The following TMEM233 variants were observed in gnomAD, a reference collection of about 807,000 sequenced individuals.
The protein encoded by TMEM233 is transmembrane protein 233.
In TMEM233, 6 loss-of-function variants were observed where a neutral mutation model predicts 11.2. The observed-to-expected ratio is 0.54, with a 90% CI of 0.29 to 1.06. The LOEUF (loss-of-function observed/expected upper bound fraction) is 1.06. TMEM233 is among the 50% of genes least tolerant of loss of function. The probability of loss-of-function intolerance (pLI) is 0.08; values close to 1 mark genes in which losing one functional copy is unlikely to be tolerated. For synonymous variants in TMEM233, 59 were observed against 55.8 expected (o/e 1.06, Z -0.26); for missense variants, 127 against 144.7 (o/e 0.88, Z 0.63).
chr12:119,610,389 T>C (rs1409995665), intron 1 of TMEM233, among the ~76,000 whole-genome samples: 2 of 152,186 alleles, frequency 1.3e-5, no homozygotes, highest in African/African-American at 2.4e-5. Context: ...TTTGGGTGAC[T>C]GTTGGAAGGG....
intron 1 of TMEM233, among the ~76,000 whole-genome samples, chr12:119,613,321 C>T (rs1954448971): frequency 6.6e-6 from 1 of 152,086 alleles, no homozygotes; most frequent in South Asian, 2.1e-4. Flanking sequence ...GTGTCAGACC[C>T]TCCATTAGGC....
intron 1 of TMEM233, among the ~76,000 whole-genome samples, chr12:119,605,677 C>T (rs932449313): frequency 1.3e-5 from 2 of 152,148 alleles, no homozygotes; most frequent in South Asian, 4.2e-4. Flanking sequence ...GATCTACCCC[C>T]CTCAGCCTCC....
At chr12:119,614,499 C>T (rs1593289956) in intron 1 of TMEM233, among the ~76,000 whole-genome samples, 1 of 151,724 alleles carries the variant, frequency 6.6e-6, no homozygotes, top group Admixed American at 6.6e-5. Flanking sequence ...ATATACTTGC[C>T]CTATGTTCTC....
At position 119,628,164 on chromosome 12, in the gene TMEM233, A is replaced by ATTT. The variant is rs552217837; in HGVS notation, c.187-1569_187-1567dup. ...GCTGCTTTTATATTTTATTTTTTTT[A>ATTT]TTTTTATTTTTGAGACGGAGTTTCA... On this transcript the variant is annotated intron_variant, in intron 1 of 2. Coordinates refer to ENST00000426426, the MANE Select transcript of TMEM233 (RefSeq NM_001136534.3). Among the ~76,000 whole-genome samples, 748 of 149,476 alleles carry ATTT rather than the reference A, an allele frequency of 5.0e-3. 6 individuals carry two copies. Among genetic ancestry groups the ATTT allele is most frequent in the African/African-American group, 0.018 (712 of 40,664 alleles).
At chr12:119,646,072 T>TTC (rs1555268651), downstream of TMEM233, among the ~76,000 whole-genome samples, 16 of 150,474 alleles carry the variant, frequency 1.1e-4, no homozygotes, top group East Asian at 3.9e-4. Context: ...TTTTTTTTTT[T>TTC]TTTGAGATGG....
downstream of TMEM233, among the ~76,000 whole-genome samples, chr12:119,644,812 T>A (rs1295966616): frequency 6.6e-6 from 1 of 152,150 alleles, no homozygotes; most frequent in Non-Finnish European, 1.5e-5. Context: ...CGTGGTGTTG[T>A]CACTTTCATC....
At chr12:119,597,469 T>TAAAA (rs397724666) in intron 1 of TMEM233, among the ~76,000 whole-genome samples, 20 of 146,318 alleles carry the variant, frequency 1.4e-4, no homozygotes, top group Admixed American at 1.3e-3. Flanking sequence ...TCCAGAATGG[T>TAAAA]AAAAAAAAAA....
At position 119,594,770 on chromosome 12, in the gene TMEM233, G is replaced by A. The variant is rs573596000; in HGVS notation, c.186+736G>A. ...CTGGCTCACACCCACTACCTCTTTA[G>A]GCCTTTCTTAGGCTCCCCGTGTGCC... On this transcript the variant is annotated intron_variant, in intron 1 of 2. Coordinates refer to ENST00000426426, the MANE Select transcript of TMEM233 (RefSeq NM_001136534.3). This position sits in a 1 kb window ranked among gnomAD's most constrained non-coding sequence, Gnocchi z 5.6. 1.6e-3 allele frequency among the ~76,000 whole-genome samples: 248 copies of A among 152,202 alleles called. No homozygotes were observed. Among genetic ancestry groups the A allele is most frequent in the Non-Finnish European group, 3.0e-3 (202 of 67,996 alleles).
chr12:119,599,147 C>G (rs183847099), intron 1 of TMEM233, among the ~76,000 whole-genome samples: 1 of 152,172 alleles, frequency 6.6e-6, no homozygotes, highest in African/African-American at 2.4e-5. Context: ...TTCGATTAAT[C>G]GTGAAATATT....
At chr12:119,618,053 A>T (rs943718338) in intron 1 of TMEM233, among the ~76,000 whole-genome samples, 1 of 152,214 alleles carries the variant, frequency 6.6e-6, no homozygotes, top group Admixed American at 6.5e-5. Context: ...GCCTCTGGAC[A>T]TGGTGCCCTG....
chr12:119,615,611 T>G (rs531765400), intron 1 of TMEM233, among the ~76,000 whole-genome samples: 1 of 152,314 alleles, frequency 6.6e-6, no homozygotes, highest in African/African-American at 2.4e-5. Context: ...AATATAACTT[T>G]GGAGAGTTTC....
chr12:119,593,982 G>GT lies in TMEM233; in HGVS notation c.139dup (p.Cys47LeufsTer37). On this transcript the variant is annotated frameshift_variant, in exon 1 of 3. Transcript: ENST00000426426. LOFTEE classifies it high-confidence loss of function. This position sits in a 1 kb window ranked among gnomAD's most constrained non-coding sequence, Gnocchi z 4.1. ...TACCTGTGGCTCACCATCGTCTCGT[G>GT]TTTTTGCCCTGCGTACCCCATCAAC... is the stretch of plus-strand genomic sequence containing the variant. The GT allele has an allele frequency of 6.4e-7, 1 of 1,551,732 alleles. No homozygotes were observed. Among genetic ancestry groups the GT allele is most frequent in the Non-Finnish European group, 8.7e-7 (1 of 1,146,988 alleles).
chr12:119,603,174 G>C (rs1447943389), intron 1 of TMEM233, among the ~76,000 whole-genome samples: 2 of 152,170 alleles, frequency 1.3e-5, no homozygotes, highest in African/African-American at 2.4e-5. Context: ...AAAAGGCAGA[G>C]GCAGGAAAAT....
rs997631337 is a variant in TMEM233 at position 119,594,944 on chromosome 12, C to T, written c.186+910C>T. Among the ~76,000 whole-genome samples the T allele has an allele frequency of 5.9e-5, 9 of 152,204 alleles. No homozygotes were observed. The highest frequency in any genetic ancestry group is 1.9e-4 in the African/African-American group (8 of 41,476). On this transcript the variant is annotated intron_variant, in intron 1 of 2. Transcript: ENST00000426426. This position sits in a 1 kb window ranked among gnomAD's most constrained non-coding sequence, Gnocchi z 5.6. ...CGCCCCTCCACCGCTCTGTCCTGCGCCCGGGGCTCTCCCGGGAATGAACTA... is the reference window on the plus strand; with the variant it reads ...CGCCCCTCCACCGCTCTGTCCTGCGTCCGGGGCTCTCCCGGGAATGAACTA...
Position 119,594,012 on chromosome 12 carries a change from T to A in TMEM233, c.164T>A (p.Val55Glu). 1 of 1,551,668 alleles carries A rather than the reference T, an allele frequency of 6.4e-7. No homozygotes were observed. The highest frequency in any genetic ancestry group is 8.7e-7 in the Non-Finnish European group (1 of 1,146,964). ...TGCCCTGCGTACCCCATCAACATCG[T>A]GGCTTTGGTCTTTTCCATCATGGTG... Reference protein sequence around the residue: ...CFCPAYPINIVALVFSIMSLN... With the variant: ...CFCPAYPINIEALVFSIMSLN... Residue 55 changes from valine (V) to glutamate (E), a missense_variant, in exon 1 of 3, where the codon GTG becomes GAG. Physicochemically the swap from Val to Glu is moderately radical, Grantham distance 121 (BLOSUM62 -2). Transcript: ENST00000426426. This position sits in a 1 kb window ranked among gnomAD's most constrained non-coding sequence, Gnocchi z 5.6.
At chr12:119,638,054 C>T (rs1955001662) in intron 2 of TMEM233, among the ~76,000 whole-genome samples, 1 of 152,168 alleles carries the variant, frequency 6.6e-6, no homozygotes, top group Non-Finnish European at 1.5e-5. Context: ...ACCCACCAAC[C>T]CAGCAATTCC....
intron 1 of TMEM233, among the ~76,000 whole-genome samples, chr12:119,624,255 G>A (rs1167002520): frequency 6.6e-6 from 1 of 151,934 alleles, no homozygotes; most frequent in Admixed American, 6.6e-5. Context: ...AGCTACTCAG[G>A]AGGCTGAAGT....
chr12:119,618,949 AG>A (rs202128843), intron 1 of TMEM233, among the ~76,000 whole-genome samples: 2,511 of 152,274 alleles, frequency 0.016, 64 homozygotes, highest in African/African-American at 0.056. Context: ...ATGGTTTGGC[AG>A]TGTCCTCACC....
At chr12:119,637,919 A>C (rs76136028) in intron 2 of TMEM233, among the ~76,000 whole-genome samples, 2,517 of 152,320 alleles carry the variant, frequency 0.017, 64 homozygotes, top group African/African-American at 0.056. Context: ...GCAACAATTA[A>C]AAAGATGGGT....
Sources: gnomAD v4.1 joint callset for allele counts (sites outside exome capture counted in the v4.1 genomes callset) on GRCh38, gnomAD v4.1.1 for gene constraint, Gnocchi (gnomAD v3.1) non-coding constraint, MANE v1.5 for transcripts, NCBI Gene and HGNC (gene_info 2026-07-23, HGNC 2026-07-21) for gene names.